Variants in CREBRF observed in about 807,000 individuals in gnomAD.
CREBRF encodes CREB3 regulatory factor.
A neutral mutation model predicts 66.1 loss-of-function variants in CREBRF; 5 were observed. The observed-to-expected ratio is 0.08, with a 90% CI of 0.04 to 0.16. The LOEUF (loss-of-function observed/expected upper bound fraction) is 0.16. CREBRF is among the 10% of genes least tolerant of loss of function. The pLI, the probability that CREBRF is intolerant of heterozygous loss-of-function variation, is 1.00. For missense variants in CREBRF, 531 were observed against 744.9 expected (o/e 0.71, Z 3.34); for synonymous variants, 229 against 264.4 (o/e 0.87, Z 1.30).
intron 1 of CREBRF, among the ~76,000 whole-genome samples, chr5:173,077,126 G>T (rs1202922372): frequency 2.6e-5 from 4 of 151,626 alleles, no homozygotes; most frequent in Non-Finnish European, 5.9e-5. Flanking sequence ...TGTATTTTTA[G>T]TAGAGACGGG....
rs973423929 is a variant in CREBRF, at chr5:173,137,685, TTATA to T, written c.*3951_*3954del. On this transcript the variant is annotated 3_prime_UTR_variant, in exon 9 of 9. Coordinates refer to ENST00000296953, the MANE Select transcript of CREBRF (RefSeq NM_153607.3). ...CAATGCTGTTAGTTTGGATTTCTTTTTATATATATATATAATATTCATACAATGA... is the reference window on the plus strand; with the variant it reads ...CAATGCTGTTAGTTTGGATTTCTTTTTATATATATAATATTCATACAATGA... 3.3e-5 allele frequency: 5 copies of T among 151,400 alleles called. No homozygotes were observed. The East Asian group carries it at 5.8e-4, about 18-fold the overall frequency. 9.4% of individuals were successfully genotyped at this position (151,400 alleles called of 1,614,324 possible).
intron 1 of CREBRF, among the ~76,000 whole-genome samples, chr5:173,062,939 G>A (rs1189125642): frequency 2.0e-5 from 3 of 151,752 alleles, no homozygotes; most frequent in Admixed American, 1.3e-4. Flanking sequence ...AGTAGAGACG[G>A]GGTTTCACCG....
intron 7 of CREBRF, among the ~76,000 whole-genome samples, chr5:173,117,637 CCTT>C (rs1448040467): frequency 2.5e-5 from 2 of 79,522 alleles, no homozygotes; most frequent in Non-Finnish European, 6.1e-5. Flanking sequence ...CTCCCTCCCT[CCTT>C]CTCTCCTCTC....
At chr5:173,077,642 C>T (rs548035490) in intron 1 of CREBRF, among the ~76,000 whole-genome samples, 58 of 152,292 alleles carry the variant, frequency 3.8e-4, no homozygotes, top group African/African-American at 1.4e-3. Flanking sequence ...ACCCACCTGC[C>T]TCAGCCTCTC....
At chr5:173,127,170 T>C (rs1005511726) in intron 8 of CREBRF, among the ~76,000 whole-genome samples, 46 of 149,288 alleles carry the variant, frequency 3.1e-4, no homozygotes, top group Admixed American at 4.6e-4. Context: ...TTCTTTTTTT[T>C]TTTTTTTTTT....
chr5:173,131,446 T>C (rs551691142), intron 8 of CREBRF, among the ~76,000 whole-genome samples: 1 of 152,304 alleles, frequency 6.6e-6, no homozygotes, highest in South Asian at 2.1e-4. Flanking sequence ...TAGTCATATC[T>C]CTTCTTTTGT....
Position 173,139,231 on chromosome 5 carries a change from A to T in CREBRF, c.*5486A>T, listed in dbSNP as rs1759655597. ...AGCACTTCTAGTCAGATACAGATTC[A>T]TCAGTGTATGCAACATCCTTTGTAA... On this transcript the variant is annotated 3_prime_UTR_variant, in exon 9 of 9. Transcript: ENST00000296953. The T allele has an allele frequency of 6.6e-6, 1 of 152,200 alleles. No individual in the cohort carries two copies. Among genetic ancestry groups the T allele is most frequent in the Non-Finnish European group, 1.5e-5 (1 of 68,038 alleles). 9.4% of individuals were successfully genotyped at this position (152,200 alleles called of 1,614,324 possible). A position where few individuals can be genotyped will look rare whatever the true frequency, so the allele number is the denominator to read the frequency against.
intron 7 of CREBRF, among the ~76,000 whole-genome samples, chr5:173,114,454 C>T (rs1581037541): frequency 6.6e-6 from 1 of 152,224 alleles, no homozygotes; most frequent in South Asian, 2.1e-4. Flanking sequence ...ATAGGCTTAC[C>T]AACTTTATAT....
At chr5:173,129,902 C>G (rs1192577089) in intron 8 of CREBRF, among the ~76,000 whole-genome samples, 1 of 152,084 alleles carries the variant, frequency 6.6e-6, no homozygotes, top group Non-Finnish European at 1.5e-5. Context: ...TCTCAGTTCA[C>G]TGCACCTCTG....
At chr5:173,087,033 A>G (rs1218173724) in intron 3 of CREBRF, among the ~76,000 whole-genome samples, 2 of 148,126 alleles carry the variant, frequency 1.4e-5, no homozygotes, top group African/African-American at 5.0e-5. Context: ...TGCAACCTCC[A>G]TCTCCTGGGT....
rs1322209708 is a variant in CREBRF, at chr5:173,136,908, C to G, written c.*3163C>G. On this transcript the variant is annotated 3_prime_UTR_variant, in exon 9 of 9. Transcript: ENST00000296953. ...GCATTGTGAATTCACCTCAAGTAAA[C>G]CCATTGTTCCAAAGCAATTATAAAC... 2.0e-5 allele frequency: 3 copies of G among 151,904 alleles called. No homozygotes were observed. Among genetic ancestry groups the G allele is most frequent in the African/African-American group, 7.3e-5 (3 of 41,244 alleles). 9.4% of individuals were successfully genotyped at this position (151,904 alleles called of 1,614,324 possible).
At chr5:173,067,869 G>A (rs412673) in intron 1 of CREBRF, among the ~76,000 whole-genome samples, 58,891 of 151,720 alleles carry the variant, frequency 0.39, 12,156 homozygotes, top group Non-Finnish European at 0.45. Flanking sequence ...GTGTGGTGGC[G>A]GGCACCTGTA....
intron 7 of CREBRF, among the ~76,000 whole-genome samples, chr5:173,114,314 G>A (rs1384956955): frequency 6.6e-6 from 1 of 151,942 alleles, no homozygotes; most frequent in Non-Finnish European, 1.5e-5. Flanking sequence ...TGGTGCCCTG[G>A]CCGCCTCCTA....
At chr5:173,072,465 A>G (rs2113683851) in intron 1 of CREBRF, among the ~76,000 whole-genome samples, 1 of 152,040 alleles carries the variant, frequency 6.6e-6, no homozygotes, top group East Asian at 1.9e-4. Flanking sequence ...ATTAGTAGAG[A>G]CGAGGTTTCA....
chr5:173,129,794 A>G (rs1581053067), intron 8 of CREBRF, among the ~76,000 whole-genome samples: 1 of 151,542 alleles, frequency 6.6e-6, no homozygotes, highest in East Asian at 1.9e-4. Context: ...TTTAATTCAG[A>G]TATCAGAAAA....
chr5:173,120,999 GCTT>G, intron 7 of CREBRF, among the ~76,000 whole-genome samples: 1 of 151,888 alleles, frequency 6.6e-6, no homozygotes, highest in Non-Finnish European at 1.5e-5. Context: ...GGCCTTCCTG[GCTT>G]CTTATGTGGA....
At chr5:173,058,342 T>C (rs537273883) in intron 1 of CREBRF, among the ~76,000 whole-genome samples, 1 of 152,346 alleles carries the variant, frequency 6.6e-6, no homozygotes, top group Non-Finnish European at 1.5e-5. Flanking sequence ...TGATGGCATC[T>C]TTGGTTAAGT....
At chr5:173,063,855 G>A (rs1757354277) in intron 1 of CREBRF, among the ~76,000 whole-genome samples, 1 of 151,474 alleles carries the variant, frequency 6.6e-6, no homozygotes, top group African/African-American at 2.4e-5. Flanking sequence ...CCAAGTAGCT[G>A]GGACTACAGG....
At chr5:173,074,157 C>T (rs193027299) in intron 1 of CREBRF, among the ~76,000 whole-genome samples, 1 of 151,882 alleles carries the variant, frequency 6.6e-6, no homozygotes, top group Non-Finnish European at 1.5e-5. Context: ...ACAAAATTAG[C>T]CGGGTGTTGT....
Sources: allele counts gnomAD v4.1 joint callset (sites outside exome capture counted in the v4.1 genomes callset), GRCh38; gene constraint gnomAD v4.1.1; transcripts MANE v1.5; gene names NCBI Gene and HGNC (gene_info 2026-07-23, HGNC 2026-07-21).